Variants in GRIN2A observed in about 807,000 individuals in gnomAD.
GRIN2A encodes glutamate ionotropic receptor NMDA type subunit 2A.
Under a neutral mutation model 113.4 loss-of-function variants are expected in GRIN2A, and 22 were observed. That is an observed-to-expected ratio of 0.19 (90% CI 0.14 to 0.28). The LOEUF is 0.28. Ranked by LOEUF, GRIN2A falls within the 10% of genes least tolerant of loss-of-function variation. The pLI, the probability that GRIN2A is intolerant of heterozygous loss-of-function variation, is 1.00. For synonymous variants in GRIN2A, 827 were observed against 738.4 expected (o/e 1.12, Z -1.94); for missense variants, 1,502 against 1,887.0 (o/e 0.80, Z 3.78).
At chr16:9,833,235 T>C (rs1052194635) in intron 8 of GRIN2A, among the ~76,000 whole-genome samples, 3 of 152,336 alleles carry the variant, frequency 2.0e-5, no homozygotes, top group Admixed American at 1.3e-4. Flanking sequence ...TTATTTCCTA[T>C]CTACTGATTG....
chr16:9,915,839 T>A (rs1349122955), intron 3 of GRIN2A, among the ~76,000 whole-genome samples: 1 of 152,264 alleles, frequency 6.6e-6, no homozygotes, highest in African/African-American at 2.4e-5. Flanking sequence ...GGCACCTACA[T>A]GACAGGTTTG....
intron 2 of GRIN2A, among the ~76,000 whole-genome samples, chr16:9,950,022 T>A (rs2045140224): frequency 6.6e-6 from 1 of 152,114 alleles, no homozygotes; most frequent in Middle Eastern, 3.2e-3. Flanking sequence ...GGCAGGAAAG[T>A]AATAAACAAT....
intron 2 of GRIN2A, among the ~76,000 whole-genome samples, chr16:10,119,711 GT>G (rs1256839812): frequency 2.6e-5 from 4 of 152,164 alleles, no homozygotes; most frequent in African/African-American, 9.7e-5. Context: ...CTGACAGGTA[GT>G]TTTTTATCCT....
intron 5 of GRIN2A, among the ~76,000 whole-genome samples, chr16:9,845,496 C>T (rs2042756321): frequency 6.6e-6 from 1 of 152,290 alleles, no homozygotes; most frequent in South Asian, 2.1e-4. Context: ...AGCCACTTTG[C>T]TTTCTTCATC....
chr16:9,988,399 T>C (rs2046029885), intron 2 of GRIN2A, among the ~76,000 whole-genome samples: 1 of 152,112 alleles, frequency 6.6e-6, no homozygotes, highest in Non-Finnish European at 1.5e-5. Context: ...TTCTACAATT[T>C]GAACACATCC....
intron 2 of GRIN2A, among the ~76,000 whole-genome samples, chr16:10,026,804 T>C (rs1318119235): frequency 6.6e-6 from 1 of 152,070 alleles, no homozygotes; most frequent in Non-Finnish European, 1.5e-5. Context: ...CCCAAAACAA[T>C]GCAGAACTTG....
chr16:10,037,110 T>C (rs2047051440), intron 2 of GRIN2A: 1 of 152,192 alleles, frequency 6.6e-6, no homozygotes. Context: ...GATGGAGCAC[T>C]GGAATTTGGG....
At chr16:9,837,057 G>A (rs921177392) in intron 7 of GRIN2A, among the ~76,000 whole-genome samples, 2 of 152,182 alleles carry the variant, frequency 1.3e-5, no homozygotes, top group Non-Finnish European at 2.9e-5. Context: ...GTTTGTGGAG[G>A]AGAGAAAATA....
At chr16:10,130,290 T>C (rs1464443329) in intron 2 of GRIN2A, among the ~76,000 whole-genome samples, 1 of 152,138 alleles carries the variant, frequency 6.6e-6, no homozygotes, top group Non-Finnish European at 1.5e-5. Flanking sequence ...GAAAATCAAA[T>C]CAGTAATCCA....
chr16:9,906,489 T>C (rs937480529), intron 3 of GRIN2A, among the ~76,000 whole-genome samples: 2 of 152,222 alleles, frequency 1.3e-5, no homozygotes, highest in African/African-American at 4.8e-5. Flanking sequence ...GCCACAGAGA[T>C]TGGTTCAGGG....
At chr16:9,955,754 T>C (rs944302740) in intron 2 of GRIN2A, among the ~76,000 whole-genome samples, 1 of 152,256 alleles carries the variant, frequency 6.6e-6, no homozygotes, top group Non-Finnish European at 1.5e-5. Context: ...ACTAGTTTAC[T>C]GGCTTGTTTT....
intron 2 of GRIN2A, among the ~76,000 whole-genome samples, chr16:10,069,505 G>T (rs950484112): frequency 3.3e-5 from 5 of 152,306 alleles, no homozygotes; most frequent in African/African-American, 9.6e-5. Context: ...CAATGCGTCA[G>T]TCCCCCACAG....
At chr16:10,131,508 A>G (rs2049064190) in intron 2 of GRIN2A, among the ~76,000 whole-genome samples, 1 of 151,906 alleles carries the variant, frequency 6.6e-6, no homozygotes, top group Non-Finnish European at 1.5e-5. Context: ...ATAACAATAA[A>G]TAAGAGAGGG....
chr16:9,830,915 G>A (rs1025012871), intron 8 of GRIN2A, among the ~76,000 whole-genome samples: 1 of 152,174 alleles, frequency 6.6e-6, no homozygotes, highest in African/African-American at 2.4e-5. Context: ...CTTTATGAAC[G>A]ATTTAGTTTT....
chr16:10,085,915 G>A (rs781337411), intron 2 of GRIN2A, among the ~76,000 whole-genome samples: 11 of 152,036 alleles, frequency 7.2e-5, no homozygotes, highest in Admixed American at 5.9e-4. Flanking sequence ...AAGTTTATGC[G>A]CTTAACCACA....
chr16:9,825,897 C>G (rs1483335820), intron 9 of GRIN2A, among the ~76,000 whole-genome samples: 1 of 151,718 alleles, frequency 6.6e-6, no homozygotes, highest in Non-Finnish European at 1.5e-5. Context: ...AAGACCAACT[C>G]AGTGCAATAA....
chr16:9,907,553 G>A (rs189312072), intron 3 of GRIN2A, among the ~76,000 whole-genome samples: 1 of 152,150 alleles, frequency 6.6e-6, no homozygotes, highest in East Asian at 1.9e-4. Flanking sequence ...ATGATTATAC[G>A]AATCTGTGTG....
chr16:10,101,392 G>A lies in GRIN2A; in HGVS notation c.414+78606C>T, dbSNP rs551594122. Among the ~76,000 whole-genome samples, 114 of 152,306 alleles carry A rather than the reference G, an allele frequency of 7.5e-4. 1 individual carries two copies. The South Asian group carries it at 0.022, about 29-fold the overall frequency. On this transcript the variant is annotated intron_variant, in intron 2 of 12. Transcript: ENST00000330684. The stretch of plus-strand genomic sequence containing the variant: ...CAACATGAAGCGTATACAAGAACCA[G>A]GTAAGTTAAGTAACTCAGAGCTATC...
At chr16:9,854,852 T>G (rs1196358900) in intron 4 of GRIN2A, among the ~76,000 whole-genome samples, 2 of 152,168 alleles carry the variant, frequency 1.3e-5, no homozygotes, top group Non-Finnish European at 2.9e-5. Flanking sequence ...GAATAAGGTT[T>G]CAATGCATCA....
Sources: allele counts gnomAD v4.1 joint callset (sites outside exome capture counted in the v4.1 genomes callset), GRCh38; gene constraint gnomAD v4.1.1; transcripts MANE v1.5; gene names NCBI Gene and HGNC (gene_info 2026-07-23, HGNC 2026-07-21).